Variants in ASIC2 observed in about 807,000 individuals in gnomAD.
ASIC2 encodes acid-sensing ion channel 2.
Under a neutral mutation model 57.3 loss-of-function variants are expected in ASIC2, and 25 were observed. The observed-to-expected ratio is 0.44, with a 90% confidence interval of 0.32 to 0.61. The LOEUF (loss-of-function observed/expected upper bound fraction) is 0.61, where lower values mean the gene tolerates loss of function less well. Among genes scored for constraint, ASIC2 ranks in the 20% least tolerant of loss-of-function variants. The pLI, the probability that ASIC2 is intolerant of heterozygous loss-of-function variation, is 0.06. For missense variants in ASIC2, 641 were observed against 738.1 expected (o/e 0.87, Z 1.52); for synonymous variants, 319 against 307.5 (o/e 1.04, Z -0.39).
intron 1 of ASIC2, among the ~76,000 whole-genome samples, chr17:33,679,613 A>G (rs542105279): frequency 6.6e-6 from 1 of 152,316 alleles, no homozygotes; most frequent in African/African-American, 2.4e-5. Flanking sequence ...GGGAGCCAGT[A>G]GAATTTCAGG....
intron 1 of ASIC2, among the ~76,000 whole-genome samples, chr17:33,911,322 GC>G (rs1162094798): frequency 6.6e-6 from 1 of 152,184 alleles, no homozygotes; most frequent in Non-Finnish European, 1.5e-5. Flanking sequence ...TGGACACCTG[GC>G]TCCATCATGT....
At chr17:33,261,681 CTATGAT>C (rs1232228101) in intron 1 of ASIC2, among the ~76,000 whole-genome samples, 1 of 152,172 alleles carries the variant, frequency 6.6e-6, no homozygotes, top group Admixed American at 6.5e-5. Context: ...GAGGCAAATA[CTATGAT>C]TATATGAGCC....
At chr17:33,689,955 T>G (rs1908314993) in intron 1 of ASIC2, among the ~76,000 whole-genome samples, 1 of 152,236 alleles carries the variant, frequency 6.6e-6, no homozygotes, top group African/African-American at 2.4e-5. Context: ...GCTGATACCT[T>G]GATTTCAGAC....
chr17:33,026,242 C>T (rs2091858905), intron 4 of ASIC2, among the ~76,000 whole-genome samples: 2 of 152,206 alleles, frequency 1.3e-5, no homozygotes, highest in Admixed American at 1.3e-4. Context: ...GCTAACTTCT[C>T]CCATGTTTCT....
intron 1 of ASIC2, among the ~76,000 whole-genome samples, chr17:33,552,431 T>G (rs1331131090): frequency 6.6e-6 from 1 of 152,206 alleles, no homozygotes; most frequent in East Asian, 1.9e-4. Context: ...CTTTTTGCAC[T>G]GATTTTTCTC....
chr17:33,683,141 C>A (rs547178204), intron 1 of ASIC2, among the ~76,000 whole-genome samples: 2 of 152,312 alleles, frequency 1.3e-5, no homozygotes, highest in Admixed American at 1.3e-4. Context: ...GATTCTGGCT[C>A]ACTGCAAGCT....
intron 1 of ASIC2, among the ~76,000 whole-genome samples, chr17:33,859,259 C>G (rs1240218909): frequency 6.6e-6 from 1 of 152,160 alleles, no homozygotes; most frequent in Non-Finnish European, 1.5e-5. Context: ...AAGGGATTCT[C>G]CAGGCTAGAA....
At chr17:33,546,840 C>T (rs1915593129) in intron 1 of ASIC2, among the ~76,000 whole-genome samples, 1 of 152,206 alleles carries the variant, frequency 6.6e-6, no homozygotes, top group African/African-American at 2.4e-5. Context: ...CTCCCAGCTC[C>T]TCCTGCAGCT....
At chr17:34,022,649 A>G (rs1907220853) in intron 1 of ASIC2, among the ~76,000 whole-genome samples, 1 of 151,970 alleles carries the variant, frequency 6.6e-6, no homozygotes, top group South Asian at 2.1e-4. Flanking sequence ...AACAAAAAAA[A>G]AAACAAAAAA....
At chr17:33,977,597 G>A (rs570289366) in intron 1 of ASIC2, among the ~76,000 whole-genome samples, 14 of 152,232 alleles carry the variant, frequency 9.2e-5, no homozygotes, top group African/African-American at 3.1e-4. Flanking sequence ...TTCTATCCTC[G>A]ATAACCATGG....
chr17:33,474,141 C>T (rs894130167), intron 1 of ASIC2, among the ~76,000 whole-genome samples: 8 of 152,068 alleles, frequency 5.3e-5, no homozygotes, highest in Admixed American at 1.3e-4. Flanking sequence ...CTGAGGCAAG[C>T]GAATCATCTG....
chr17:34,132,074 T>G (rs1023650600), intron 1 of ASIC2, among the ~76,000 whole-genome samples: 2 of 152,192 alleles, frequency 1.3e-5, no homozygotes, highest in Admixed American at 1.3e-4. Context: ...TCATAATGCC[T>G]CTGCAGGGGA....
intron 1 of ASIC2, among the ~76,000 whole-genome samples, chr17:33,790,744 G>A (rs1203327287): frequency 6.6e-6 from 1 of 151,884 alleles, no homozygotes; most frequent in Admixed American, 6.6e-5. Context: ...ATCTCTTATT[G>A]GGTTCTGCTT....
intron 1 of ASIC2, among the ~76,000 whole-genome samples, chr17:33,786,323 G>A (rs1291545825): frequency 6.6e-6 from 1 of 152,100 alleles, no homozygotes; most frequent in African/African-American, 2.4e-5. Flanking sequence ...GATAGAGCAG[G>A]TAGAGGAGTG....
chr17:33,276,655 C>T (rs972293659), intron 1 of ASIC2, among the ~76,000 whole-genome samples: 1 of 152,166 alleles, frequency 6.6e-6, no homozygotes, highest in Non-Finnish European at 1.5e-5. Context: ...GCCATTTCTC[C>T]GTTCACATGG....
At chr17:34,097,558 G>C (rs1284326564) in intron 1 of ASIC2, among the ~76,000 whole-genome samples, 1 of 152,176 alleles carries the variant, frequency 6.6e-6, no homozygotes, top group East Asian at 1.9e-4. Context: ...CATTTCAATA[G>C]GGCTGATGTT....
chr17:33,850,123 C>T lies in ASIC2; in HGVS notation c.555+305855G>A, dbSNP rs942471015. Among the ~76,000 whole-genome samples the T allele has an allele frequency of 3.9e-5, 6 of 152,162 alleles. No homozygotes were observed. The East Asian group carries it at 1.2e-3, about 29-fold the overall frequency. On this transcript the variant is annotated intron_variant, in intron 1 of 9. Transcript: ENST00000359872. ...ATCATTCTTCCATTACTGTTCTCTT[C>T]AGGTGCTCACAAAATCAGGGCTTAT...
intron 1 of ASIC2, among the ~76,000 whole-genome samples, chr17:33,798,610 CTGTT>C (rs1249245284): frequency 2.0e-5 from 3 of 152,252 alleles, no homozygotes; most frequent in East Asian, 3.9e-4. Context: ...ATTCACTTGT[CTGTT>C]TGTGTGTTCT....
chr17:33,568,364 C>A (rs2141989468), intron 1 of ASIC2, among the ~76,000 whole-genome samples: 1 of 152,326 alleles, frequency 6.6e-6, no homozygotes, highest in Admixed American at 6.5e-5. Context: ...TATATATCCG[C>A]TCATTGGACT....
Sources: gnomAD v4.1 joint callset for allele counts (sites outside exome capture counted in the v4.1 genomes callset) on GRCh38, gnomAD v4.1.1 for gene constraint, MANE v1.5 for transcripts, NCBI Gene and HGNC (gene_info 2026-07-23, HGNC 2026-07-21) for gene names.